Variants in CD46 observed in about 807,000 individuals in gnomAD.
The protein encoded by CD46 is CD46 molecule.
A neutral mutation model predicts 53.3 loss-of-function variants in CD46; 30 were observed. That is an observed-to-expected ratio of 0.56 (90% CI 0.42 to 0.76). The LOEUF is 0.76. CD46 is among the 30% of genes least tolerant of loss of function. CD46 has a pLI of 0.00. For synonymous variants in CD46, 142 were observed against 152.0 expected (o/e 0.93, Z 0.48); for missense variants, 409 against 463.0 (o/e 0.88, Z 1.07).
At chr1:207,765,073 A>T (rs1379777493) in intron 5 of CD46, among the ~76,000 whole-genome samples, 2 of 152,218 alleles carry the variant, frequency 1.3e-5, no homozygotes, top group African/African-American at 4.8e-5. Context: ...AAATCCTGTG[A>T]TACATAAAAA....
At chr1:207,758,103 T>A (rs1237502208) in intron 3 of CD46, among the ~76,000 whole-genome samples, 1 of 152,202 alleles carries the variant, frequency 6.6e-6, no homozygotes, top group African/African-American at 2.4e-5. Context: ...TTGAAAAACC[T>A]TATTTTTGAG....
intron 8 of CD46, among the ~76,000 whole-genome samples, chr1:207,772,279 T>A (rs1657598060): frequency 6.6e-6 from 1 of 152,234 alleles, no homozygotes; most frequent in Non-Finnish European, 1.5e-5. Flanking sequence ...TGAAGTTGTT[T>A]ATCAGCTTGT....
rs140145647 is a variant in CD46, at chr1:207,769,828, T to A, written c.902-493T>A. On this transcript the variant is annotated intron_variant, in intron 7 of 12. Transcript: ENST00000367042. ...CCCAGGATGGCGTGCAGTGGCGCGG[T>A]CTTGGCTCACTGCAACCTCCGCCTC... The A allele has an allele frequency of 7.9e-3, 1,282 of 162,772 alleles. 19 individuals are homozygous for A. The highest frequency in any genetic ancestry group is 0.028 in the African/African-American group (1,163 of 41,298). The allele number at this position is 162,772 out of a possible 1,614,324, so 10.1% of individuals were successfully genotyped here. A position where few individuals can be genotyped will look rare whatever the true frequency, so the allele number is the denominator to read the frequency against.
At chr1:207,756,398 A>G (rs2102534673) in intron 1 of CD46, among the ~76,000 whole-genome samples, 1 of 152,298 alleles carries the variant, frequency 6.6e-6, no homozygotes, top group South Asian at 2.1e-4. Flanking sequence ...CTTTTGTTTG[A>G]CTTAGCACAA....
Position 207,761,332 on chromosome 1 carries a change from G to A in CD46, c.559G>A (p.Val187Ile), listed in dbSNP as rs771423488. The change falls in exon 5 of 13, where the codon GTA (valine) becomes ATA (isoleucine). Residue 187 changes from valine (V) to isoleucine (I), a missense_variant. Val to Ile is a conservative substitution (Grantham distance 29). Transcript: ENST00000367042. ...EVEVFEYLDA[V>I]TYSCDPAPGP... ...AGAAGTATTTGAGTATCTTGATGCAGTAACTTATAGTTGTGATCCTGCACC... is the reference window on the plus strand; with the variant it reads ...AGAAGTATTTGAGTATCTTGATGCAATAACTTATAGTTGTGATCCTGCACC... 3.1e-6 allele frequency: 5 copies of A among 1,612,576 alleles called. No homozygotes were observed. The African/African-American group carries it at 5.3e-5, about 17-fold the overall frequency.
At chr1:207,760,921 C>T (rs1656116110) in intron 4 of CD46, 2 of 340,366 alleles carry the variant, frequency 5.9e-6, no homozygotes, top group Admixed American at 4.4e-5. Flanking sequence ...AAATCCACCC[C>T]CATGATTCAG....
chr1:207,768,027 G>A, intron 7 of CD46: 1 of 559,928 alleles, frequency 1.8e-6, no homozygotes, highest in Admixed American at 3.1e-5. Flanking sequence ...TATGACCTTG[G>A]GAAAGTTGTA....
intron 12 of CD46, 86 bp downstream of exon 12, chr1:207,790,431 A>G: frequency 1.4e-6 from 1 of 712,980 alleles, no homozygotes; most frequent in South Asian, 1.5e-5. Flanking sequence ...ACCTGAGCAA[A>G]GAGATATTGG....
In CD46 at chr1:207,785,684, T is replaced by G. The variant is rs1184770295; in HGVS notation, c.1082+2T>G. 6.9e-6 allele frequency: 11 copies of G among 1,593,396 alleles called. No individual in the cohort carries two copies. Among genetic ancestry groups the G allele is most frequent in the Non-Finnish European group, 9.5e-6 (11 of 1,161,396 alleles). On this transcript the variant is annotated splice_donor_variant, in intron 11 of 12. Coordinates refer to ENST00000367042, the MANE Select transcript of CD46 (RefSeq NM_172351.3). LOFTEE classifies it high-confidence loss of function. ...TCTTCAAAGGAGGAAGAAGAAAGGG[T>G]AAATTAAAGCATGTTTCTTTTAACT... is the stretch of plus-strand genomic sequence containing the variant.
intron 5 of CD46, among the ~76,000 whole-genome samples, chr1:207,765,227 CAA>C (rs1656712157): frequency 6.6e-6 from 1 of 152,004 alleles, no homozygotes; most frequent in Non-Finnish European, 1.5e-5. Flanking sequence ...ATGCAAAAAA[CAA>C]AGAAAATGTT....
At chr1:207,786,913 A>G (rs1457049006) in intron 11 of CD46, among the ~76,000 whole-genome samples, 1 of 152,226 alleles carries the variant, frequency 6.6e-6, no homozygotes, top group Admixed American at 6.5e-5. Flanking sequence ...ACAAATCCAT[A>G]AGGTTTGCGT....
At position 207,752,886 on chromosome 1, in the gene CD46, G is replaced by C. The variant is rs1407595488; in HGVS notation, c.97+577G>C. On this transcript the variant is annotated intron_variant, in intron 1 of 12. Transcript: ENST00000367042. The surrounding 1 kb of genome is among the most constrained non-coding windows in gnomAD (Gnocchi z 4.1). Reference sequence around the variant, plus strand: ...TGTGTGCAGAGTTCACTGTGGGCAAGACAGCTCAACTGTTTGCTTTGAATG... The same window carrying C: ...TGTGTGCAGAGTTCACTGTGGGCAACACAGCTCAACTGTTTGCTTTGAATG... 6.6e-6 allele frequency among the ~76,000 whole-genome samples: 1 copy of C among 152,082 alleles called. No homozygotes were observed. Among genetic ancestry groups the C allele is most frequent in the African/African-American group, 2.4e-5 (1 of 41,414 alleles).
intron 1 of CD46, among the ~76,000 whole-genome samples, chr1:207,754,618 T>C (rs981461902): frequency 6.6e-6 from 1 of 152,116 alleles, no homozygotes; most frequent in African/African-American, 2.4e-5. Context: ...AGGAAAAAGT[T>C]CCTCCTGCCT....
At chr1:207,767,753 A>G in intron 6 of CD46, 26 bp from the exon 7 acceptor site, 2 of 1,609,176 alleles carry the variant, frequency 1.2e-6, no homozygotes, top group African/African-American at 1.3e-5. Flanking sequence ...GTTTGGTCCA[A>G]TCTACATTAT....
At chr1:207,755,892 A>T (rs41316835) in intron 1 of CD46, among the ~76,000 whole-genome samples, 2,939 of 152,304 alleles carry the variant, frequency 0.019, 103 homozygotes, top group African/African-American at 0.068. Flanking sequence ...TGGATTTTGA[A>T]TACCAAATTT....
rs957377889 is a variant in CD46, at chr1:207,771,208, G to T, written c.943+846G>T. ...CTGTATAAATGTCTTCTTTTGAGAA[G>T]TGTCTGTTCATATCCTTTGCCCACT... On this transcript the variant is annotated intron_variant, in intron 8 of 12. Transcript: ENST00000367042. 2.6e-5 allele frequency among the ~76,000 whole-genome samples: 4 copies of T among 152,190 alleles called. No individual in the cohort carries two copies. In the South Asian group the frequency reaches 8.3e-4, roughly 32 times the overall value.
At chr1:207,770,595 C>T (rs1657404018) in intron 8 of CD46, among the ~76,000 whole-genome samples, 1 of 152,078 alleles carries the variant, frequency 6.6e-6, no homozygotes, top group African/African-American at 2.4e-5. Flanking sequence ...ATGTTCCCCA[C>T]CCTGTGTCCA....
chr1:207,786,395 A>G (rs961845751), intron 11 of CD46, among the ~76,000 whole-genome samples: 1 of 152,206 alleles, frequency 6.6e-6, no homozygotes, highest in African/African-American at 2.4e-5. Context: ...TAGAAGAAAA[A>G]TGTACAAGTA....
chr1:207,753,792 G>A (rs563815710), intron 1 of CD46, among the ~76,000 whole-genome samples: 13 of 152,274 alleles, frequency 8.5e-5, no homozygotes, highest in South Asian at 6.2e-4. Context: ...CTTCATGTGC[G>A]CGTCATGTGT....
Sources: gnomAD v4.1 joint callset for allele counts (sites outside exome capture counted in the v4.1 genomes callset) on GRCh38, gnomAD v4.1.1 for gene constraint, Gnocchi (gnomAD v3.1) non-coding constraint, MANE v1.5 for transcripts, NCBI Gene and HGNC (gene_info 2026-07-23, HGNC 2026-07-21) for gene names.